The following PLXDC2 variants were observed in gnomAD, a reference collection of about 807,000 sequenced individuals.
PLXDC2 encodes plexin domain-containing protein 2.
A neutral mutation model predicts 68.9 loss-of-function variants in PLXDC2; 40 were observed. The ratio of observed to expected loss-of-function variants is 0.58; its 90% CI spans 0.45 to 0.76. The LOEUF (loss-of-function observed/expected upper bound fraction) is 0.76. Among genes scored for constraint, PLXDC2 ranks in the 30% least tolerant of loss-of-function variants. The pLI is 0.00. For missense variants in PLXDC2, 644 were observed against 661.9 expected, an observed-to-expected ratio of 0.97 and a Z score of 0.30; for synonymous variants, 243 against 234.2, an observed-to-expected ratio of 1.04 and a Z score of -0.34.
At chr10:20,091,345 G>A (rs753649595) in intron 4 of PLXDC2, among the ~76,000 whole-genome samples, 7 of 152,012 alleles carry the variant, frequency 4.6e-5, no homozygotes, top group Non-Finnish European at 1.0e-4. Context: ...GGCTCTCATC[G>A]TATCCAACAA....
chr10:20,039,001 G>A (rs143318901), intron 2 of PLXDC2, among the ~76,000 whole-genome samples: 1 of 152,154 alleles, frequency 6.6e-6, no homozygotes, highest in Non-Finnish European at 1.5e-5. Flanking sequence ...GAATCTATGT[G>A]CAGGAAAGGC....
At chr10:19,897,811 G>C (rs887184154) in intron 1 of PLXDC2, among the ~76,000 whole-genome samples, 1 of 152,030 alleles carries the variant, frequency 6.6e-6, no homozygotes, top group East Asian at 1.9e-4. Flanking sequence ...CCTAATTTGA[G>C]AATATGTGGG....
At chr10:20,235,856 C>T (rs1161901461) in intron 12 of PLXDC2, among the ~76,000 whole-genome samples, 4 of 152,174 alleles carry the variant, frequency 2.6e-5, no homozygotes, top group Non-Finnish European at 5.9e-5. Context: ...ATAAATGGCA[C>T]GGAGAGTCAC....
intron 12 of PLXDC2, among the ~76,000 whole-genome samples, chr10:20,244,858 G>T (rs994587586): frequency 1.3e-5 from 2 of 152,236 alleles, no homozygotes; most frequent in Non-Finnish European, 2.9e-5. Flanking sequence ...GCTCACGCCT[G>T]TAATCCCAGC....
intron 1 of PLXDC2, among the ~76,000 whole-genome samples, chr10:19,886,049 C>G (rs1056822859): frequency 2.0e-5 from 3 of 152,102 alleles, no homozygotes; most frequent in Admixed American, 6.5e-5. Flanking sequence ...GTTTGTAGCT[C>G]TCCTTGAAGA....
intron 1 of PLXDC2, among the ~76,000 whole-genome samples, chr10:19,853,388 CCTTT>C (rs1229269073): frequency 6.6e-6 from 1 of 151,780 alleles, no homozygotes; most frequent in African/African-American, 2.4e-5. Flanking sequence ...TGTTTCTCCT[CCTTT>C]ATTTTTATTT....
At chr10:19,927,387 G>A (rs570710386) in intron 1 of PLXDC2, among the ~76,000 whole-genome samples, 3 of 152,162 alleles carry the variant, frequency 2.0e-5, no homozygotes, top group East Asian at 1.9e-4. Context: ...AGGAAATCCA[G>A]GTAGAGAGAC....
At chr10:20,106,387 G>A (rs1465207111) in intron 4 of PLXDC2, among the ~76,000 whole-genome samples, 10 of 152,178 alleles carry the variant, frequency 6.6e-5, no homozygotes, top group Admixed American at 2.0e-4. Context: ...GAGGCTGGAC[G>A]GTTCCTAAGC....
chr10:20,138,259 G>A (rs1223421817), intron 4 of PLXDC2, among the ~76,000 whole-genome samples: 2 of 152,114 alleles, frequency 1.3e-5, no homozygotes, highest in Admixed American at 6.5e-5. Flanking sequence ...CAAGAACCTG[G>A]AGATGTTAAG....
chr10:20,237,436 CTGAA>C (rs1489582458), intron 12 of PLXDC2, among the ~76,000 whole-genome samples: 1 of 151,988 alleles, frequency 6.6e-6, no homozygotes, highest in Non-Finnish European at 1.5e-5. Flanking sequence ...CAAAGAAACT[CTGAA>C]TGAAGTCAAG....
At chr10:20,213,577 C>A (rs1028656105) in intron 10 of PLXDC2, among the ~76,000 whole-genome samples, 1 of 152,036 alleles carries the variant, frequency 6.6e-6, no homozygotes, top group Non-Finnish European at 1.5e-5. Flanking sequence ...ATACATCTTA[C>A]TAACATTTTA....
intron 4 of PLXDC2, among the ~76,000 whole-genome samples, chr10:20,101,095 G>GA (rs1171412239): frequency 2.6e-5 from 4 of 152,066 alleles, no homozygotes; most frequent in Non-Finnish European, 2.9e-5. Flanking sequence ...ATGTCAAAAG[G>GA]AAAAATTGTG....
rs886621361 is a variant in PLXDC2, at chr10:20,286,348, A to G, written c.*6529A>G. The G allele has an allele frequency of 6.6e-6, 1 of 152,198 alleles. No homozygotes were observed. Among genetic ancestry groups the G allele is most frequent in the African/African-American group, 2.4e-5 (1 of 41,458 alleles). 9.4% of individuals were successfully genotyped at this position (152,198 alleles called of 1,614,324 possible). A position where few individuals can be genotyped will look rare whatever the true frequency, so the allele number is the denominator to read the frequency against. ...TTAACATTTGCAAATTACTCAATAA[A>G]TGTCTTTCATAATGGAATAACATAA... On this transcript the variant is annotated 3_prime_UTR_variant, in exon 14 of 14. Coordinates refer to ENST00000377252, the MANE Select transcript of PLXDC2 (RefSeq NM_032812.9).
chr10:19,867,368 G>A (rs1014235417), intron 1 of PLXDC2, among the ~76,000 whole-genome samples: 5 of 152,002 alleles, frequency 3.3e-5, no homozygotes, highest in African/African-American at 1.2e-4. Context: ...CCTGGCCTCC[G>A]TTCCCTCTTG....
At position 19,816,787 on chromosome 10, in the gene PLXDC2, C is replaced by T. The variant is rs976712338; in HGVS notation, c.-293C>T. On this transcript the variant is annotated 5_prime_UTR_variant, in exon 1 of 14. Coordinates refer to ENST00000377252, the MANE Select transcript of PLXDC2 (RefSeq NM_032812.9). ...AGTGGAACCGACAGTTTGCGAGCCT[C>T]GGCTGCAAGTGGCCTCTCCTCCCCG... The T allele has an allele frequency of 3.3e-5, 16 of 489,054 alleles. No individual in the cohort carries two copies. The highest frequency in any genetic ancestry group is 1.5e-4 in the Admixed American group (4 of 25,958). The allele number at this position is 489,054 out of a possible 1,614,324, so 30.3% of individuals were successfully genotyped here.
At chr10:19,823,263 G>A (rs1333789213) in intron 1 of PLXDC2, among the ~76,000 whole-genome samples, 1 of 152,060 alleles carries the variant, frequency 6.6e-6, no homozygotes, top group African/African-American at 2.4e-5. Flanking sequence ...CATATATGGT[G>A]GTGGTGGTGT....
intron 4 of PLXDC2, among the ~76,000 whole-genome samples, chr10:20,072,493 G>GAGAGAGAAAGAA (rs1836343451): frequency 1.2e-5 from 1 of 80,704 alleles, no homozygotes; most frequent in Non-Finnish European, 2.4e-5. Context: ...AAGAAAGAAA[G>GAGAGAGAAAGAA]AGAAAGAAAG....
At chr10:20,078,179 A>G (rs1836483203) in intron 4 of PLXDC2, among the ~76,000 whole-genome samples, 1 of 152,148 alleles carries the variant, frequency 6.6e-6, no homozygotes, top group Non-Finnish European at 1.5e-5. Context: ...AAAACTTGAG[A>G]CCAGCCTGGA....
At chr10:20,095,497 CAG>C (rs1460981303) in intron 4 of PLXDC2, among the ~76,000 whole-genome samples, 3 of 152,168 alleles carry the variant, frequency 2.0e-5, no homozygotes, top group Admixed American at 6.5e-5. Context: ...AATAGCCTGA[CAG>C]GGGAGAGAAG....
Sources: allele counts gnomAD v4.1 joint callset (sites outside exome capture counted in the v4.1 genomes callset), GRCh38; gene constraint gnomAD v4.1.1; transcripts MANE v1.5; gene names NCBI Gene and HGNC (gene_info 2026-07-23, HGNC 2026-07-21).